The following SNU13 variants were observed in gnomAD, a reference collection of about 807,000 sequenced individuals.
The protein encoded by SNU13 is small nuclear ribonucleoprotein 13, also known as NHP2-like protein 1.
A neutral mutation model predicts 12.4 loss-of-function variants in SNU13; 2 were observed. The ratio of observed to expected loss-of-function variants is 0.16; its 90% confidence interval spans 0.07 to 0.51. SNU13 has a LOEUF of 0.51. Among genes scored for constraint, SNU13 ranks in the 20% least tolerant of loss-of-function variants. SNU13 has a pLI of 0.96. For synonymous variants in SNU13, 68 were observed against 66.5 expected, an observed-to-expected ratio of 1.02 and a Z score of -0.11; for missense variants, 66 against 157.8, an observed-to-expected ratio of 0.42 and a Z score of 3.12.
chr22:41,681,049 A>G (rs373124221), intron 1 of SNU13, among the ~76,000 whole-genome samples: 2 of 152,384 alleles, frequency 1.3e-5, no homozygotes, highest in Admixed American at 6.5e-5. Context: ...TCAATAAGAT[A>G]TAATTTACAG....
At chr22:41,680,435 A>G in intron 1 of SNU13, 71 bp from the exon 2 acceptor site, 1 of 1,528,586 alleles carries the variant, frequency 6.5e-7, no homozygotes, top group Non-Finnish European at 8.9e-7. Flanking sequence ...CAAAATACTA[A>G]TCAACAATTG....
upstream of SNU13, among the ~76,000 whole-genome samples, chr22:41,689,836 G>A (rs1362242380): frequency 6.6e-6 from 1 of 151,906 alleles, no homozygotes; most frequent in Non-Finnish European, 1.5e-5. Context: ...AAATTAGCCG[G>A]GCGTGGTGGC....
At chr22:41,676,150 T>A (rs564613634) in intron 2 of SNU13, among the ~76,000 whole-genome samples, 4 of 152,288 alleles carry the variant, frequency 2.6e-5, no homozygotes, top group African/African-American at 9.6e-5. Flanking sequence ...AATAATATAG[T>A]ATTTCTCAAG....
intron 1 of SNU13, among the ~76,000 whole-genome samples, chr22:41,681,816 A>C (rs1043132599): frequency 6.6e-6 from 1 of 152,202 alleles, no homozygotes; most frequent in Non-Finnish European, 1.5e-5. Context: ...CGGAGGATGC[A>C]ATGAGCGGAG....
intron 2 of SNU13, among the ~76,000 whole-genome samples, chr22:41,677,316 G>A (rs1040444195): frequency 6.6e-6 from 1 of 152,142 alleles, no homozygotes; most frequent in African/African-American, 2.4e-5. Flanking sequence ...TTTGAACTCA[G>A]AGTTTGAGAC....
At chr22:41,689,748 C>T (rs1191334882), upstream of SNU13, among the ~76,000 whole-genome samples, 1 of 152,016 alleles carries the variant, frequency 6.6e-6, no homozygotes, top group African/African-American at 2.4e-5. Context: ...GAAGCTGAGG[C>T]GGGCGGATCA....
intron 1 of SNU13, chr22:41,682,220 C>A: frequency 1.1e-6 from 1 of 904,422 alleles, no homozygotes; most frequent in South Asian, 1.4e-5. Flanking sequence ...CCTCGGTGGT[C>A]TCCTGCCCGA....
intron 2 of SNU13, among the ~76,000 whole-genome samples, chr22:41,677,999 G>A (rs772361575): frequency 1.4e-5 from 2 of 146,752 alleles, no homozygotes; most frequent in South Asian, 4.3e-4. Flanking sequence ...TTTTTGAGAC[G>A]GAGTCTCACT....
At chr22:41,679,169 G>A (rs1351794813) in intron 2 of SNU13, among the ~76,000 whole-genome samples, 4 of 152,144 alleles carry the variant, frequency 2.6e-5, no homozygotes, top group Non-Finnish European at 5.9e-5. Context: ...AGAATTTTGG[G>A]AGGCCAAGGC....
intron 2 of SNU13, among the ~76,000 whole-genome samples, chr22:41,677,018 G>A (rs901677911): frequency 2.6e-5 from 4 of 152,026 alleles, no homozygotes; most frequent in African/African-American, 7.2e-5. Flanking sequence ...AAACATCACC[G>A]TCTAGTTTGA....
chr22:41,686,721 G>C (rs1033715566), intron 1 of SNU13, among the ~76,000 whole-genome samples: 3 of 148,242 alleles, frequency 2.0e-5, no homozygotes, highest in Admixed American at 6.8e-5. Context: ...CCGCCTCCCC[G>C]GTTATAGTGA....
rs377757912 is a variant in SNU13 at position 41,686,127 on chromosome 22, G to A, written c.3+2667C>T. Among the ~76,000 whole-genome samples the A allele has an allele frequency of 1.2e-3, 181 of 152,024 alleles. 1 individual carries two copies. The highest frequency in any genetic ancestry group is 4.1e-3 in the African/African-American group (171 of 41,458). On this transcript the variant is annotated intron_variant, in intron 1 of 2. Transcript: ENST00000401959. Reference sequence around the variant, plus strand: ...CTTGGCCACATCCCGTCTTTTAACTGGAGCACTCAGTCCCTTTACATATTT... The same window carrying A: ...CTTGGCCACATCCCGTCTTTTAACTAGAGCACTCAGTCCCTTTACATATTT...
chr22:41,676,441 T>C (rs1987837416), intron 2 of SNU13, among the ~76,000 whole-genome samples: 1 of 152,148 alleles, frequency 6.6e-6, no homozygotes, highest in Non-Finnish European at 1.5e-5. Context: ...GGTGTTTAAC[T>C]TCCCTTACTT....
chr22:41,674,862 C>A lies in SNU13; in HGVS notation c.*71G>T. On this transcript the variant is annotated 3_prime_UTR_variant, in exon 3 of 3. Coordinates refer to ENST00000401959, the MANE Select transcript of SNU13 (RefSeq NM_001003796.2). Reference sequence around the variant, plus strand: ...AGAGAGTAGCTGAAAATACTACATGCTAACACAGATAATATGATACACAAC... The same window carrying A: ...AGAGAGTAGCTGAAAATACTACATGATAACACAGATAATATGATACACAAC... The A allele has an allele frequency of 6.4e-7, 1 of 1,559,284 alleles. No individual in the cohort carries two copies.
At chr22:41,676,500 A>G (rs2068215717) in intron 2 of SNU13, among the ~76,000 whole-genome samples, 1 of 150,986 alleles carries the variant, frequency 6.6e-6, no homozygotes, top group Non-Finnish European at 1.5e-5. Flanking sequence ...CCTAATAAAA[A>G]AAGAATTACC....
Position 41,682,438 on chromosome 22 carries a change from C to T in SNU13, c.4-2074G>A, listed in dbSNP as rs978980243. On this transcript the variant is annotated intron_variant, in intron 1 of 2. Transcript: ENST00000401959. Reference sequence around the variant, plus strand: ...GTTTGGACGGTCTGCTGCCCAGCACCGCAAGGACACGGATGCCCCGCCCCC... The same window carrying T: ...GTTTGGACGGTCTGCTGCCCAGCACTGCAAGGACACGGATGCCCCGCCCCC... 5 of 1,610,304 alleles carry T rather than the reference C, an allele frequency of 3.1e-6. No individual in the cohort carries two copies. In the South Asian group the frequency reaches 3.3e-5, roughly 11 times the overall value.
At chr22:41,687,322 TATG>T (rs1458774601) in intron 1 of SNU13, among the ~76,000 whole-genome samples, 2 of 152,168 alleles carry the variant, frequency 1.3e-5, no homozygotes, top group Non-Finnish European at 1.5e-5. Context: ...TATGTACAAC[TATG>T]ATATGTCAAT....
chr22:41,682,557 CTT>C, intron 1 of SNU13: 1 of 1,459,686 alleles, frequency 6.9e-7, no homozygotes, highest in Non-Finnish European at 9.0e-7. Flanking sequence ...AACTCCTTAT[CTT>C]AGGCGAATTT....
chr22:41,679,226 T>A (rs1297997994), intron 2 of SNU13, among the ~76,000 whole-genome samples: 1 of 151,390 alleles, frequency 6.6e-6, no homozygotes, highest in Non-Finnish European at 1.5e-5. Flanking sequence ...CTGGCCAACA[T>A]GGTGAAACCT....
Sources: gnomAD v4.1 joint callset for allele counts (sites outside exome capture counted in the v4.1 genomes callset) on GRCh38, gnomAD v4.1.1 for gene constraint, MANE v1.5 for transcripts, NCBI Gene and HGNC (gene_info 2026-07-23, HGNC 2026-07-21) for gene names.